The following TENM2 variants were observed in gnomAD, a reference collection of about 807,000 sequenced individuals.
TENM2 encodes the protein teneurin-2.
TENM2 carries 52 observed loss-of-function variants against 245.2 expected under a neutral mutation model. That is an observed-to-expected ratio of 0.21 (90% CI 0.17 to 0.27). The LOEUF is 0.27. Among genes scored for constraint, TENM2 ranks in the 10% least tolerant of loss-of-function variants. The pLI, the probability that TENM2 is intolerant of heterozygous loss-of-function variation, is 1.00. For missense variants in TENM2, 3,046 were observed against 3,666.8 expected, an observed-to-expected ratio of 0.83 and a Z score of 4.37; for synonymous variants, 1,363 against 1,438.9, an observed-to-expected ratio of 0.95 and a Z score of 1.19.
chr5:167,986,824 G>A (rs760753402), intron 4 of TENM2, among the ~76,000 whole-genome samples: 14 of 152,150 alleles, frequency 9.2e-5, no homozygotes, highest in Non-Finnish European at 2.1e-4. Context: ...AGCCGGTTCA[G>A]GGAAAAATCA....
chr5:167,308,355 C>A (rs895614346), intron 1 of TENM2, among the ~76,000 whole-genome samples: 4 of 152,162 alleles, frequency 2.6e-5, no homozygotes, highest in South Asian at 2.1e-4. Context: ...AGTTCCTACA[C>A]CCAGTATTAT....
At chr5:167,821,719 G>A (rs1183096877) in intron 2 of TENM2, among the ~76,000 whole-genome samples, 3 of 152,074 alleles carry the variant, frequency 2.0e-5, no homozygotes, top group Non-Finnish European at 2.9e-5. Context: ...GTGATGTATT[G>A]CTATAAATGT....
chr5:167,415,337 T>C (rs1763109974), intron 2 of TENM2, among the ~76,000 whole-genome samples: 1 of 152,174 alleles, frequency 6.6e-6, no homozygotes, highest in Non-Finnish European at 1.5e-5. Context: ...ATTTGTAGCA[T>C]GTATTTTACC....
chr5:168,054,344 T>C (rs1045068997), intron 6 of TENM2, among the ~76,000 whole-genome samples: 4 of 152,288 alleles, frequency 2.6e-5, no homozygotes, highest in Non-Finnish European at 4.4e-5. Context: ...GGGCAGTCAA[T>C]CTAAGGTCCT....
chr5:167,669,718 C>T (rs576670165), intron 2 of TENM2, among the ~76,000 whole-genome samples: 9 of 151,988 alleles, frequency 5.9e-5, no homozygotes, highest in Non-Finnish European at 1.0e-4. Flanking sequence ...TGGGGACAGA[C>T]GGCAGGGTGG....
rs548065071 is a variant in TENM2, at chr5:167,309,205, C to T, written c.226+24142C>T. Among the ~76,000 whole-genome samples the T allele has an allele frequency of 2.0e-5, 3 of 152,142 alleles. No individual in the cohort carries two copies. In the South Asian group the frequency reaches 6.2e-4, roughly 32 times the overall value. ...GGTAAGTTTGCTTTGAATATGATACCAGAAAGAAGAATGGAAAGAACAAAG... is the reference window on the plus strand; with the variant it reads ...GGTAAGTTTGCTTTGAATATGATACTAGAAAGAAGAATGGAAAGAACAAAG... On this transcript the variant is annotated intron_variant, in intron 1 of 28. Transcript: ENST00000518659.
At chr5:167,646,567 T>A (rs1209698322) in intron 2 of TENM2, among the ~76,000 whole-genome samples, 1 of 151,918 alleles carries the variant, frequency 6.6e-6, no homozygotes, top group South Asian at 2.1e-4. Flanking sequence ...AATTTTTTCT[T>A]GGTGGCGATC....
chr5:167,658,313 A>G (rs1187553329), intron 2 of TENM2, among the ~76,000 whole-genome samples: 2 of 151,130 alleles, frequency 1.3e-5, no homozygotes, highest in East Asian at 1.9e-4. Flanking sequence ...GGTTTAAGCT[A>G]TTCTCCTGCC....
chr5:167,379,951 A>G (rs1232089762), intron 2 of TENM2, among the ~76,000 whole-genome samples: 1 of 146,548 alleles, frequency 6.8e-6, no homozygotes, highest in Non-Finnish European at 1.5e-5. Context: ...AAAAACCCAG[A>G]ACAAAGTTTT....
chr5:167,195,085 G>A, the TENM2 span, among the ~76,000 whole-genome samples: 1 of 151,974 alleles, frequency 6.6e-6, no homozygotes, highest in Non-Finnish European at 1.5e-5. Context: ...TAAACACCAA[G>A]AGCAGCTGGT....
At chr5:167,445,371 T>TAGTGAGA (rs1561961919) in intron 2 of TENM2, among the ~76,000 whole-genome samples, 1 of 81,642 alleles carries the variant, frequency 1.2e-5, no homozygotes, top group Non-Finnish European at 2.2e-5. Flanking sequence ...AGAGAGAGAG[T>TAGTGAGA]GTCAGGTGTT....
chr5:167,221,761 C>G, the TENM2 span, among the ~76,000 whole-genome samples: 6 of 152,306 alleles, frequency 3.9e-5, no homozygotes, highest in South Asian at 1.2e-3. Context: ...GGTAGAAATT[C>G]AGCGCTCCAG....
intron 2 of TENM2, among the ~76,000 whole-genome samples, chr5:167,562,116 T>C (rs1773630968): frequency 6.6e-6 from 1 of 152,126 alleles, no homozygotes. Flanking sequence ...AGTTAGTGAG[T>C]GCTCCCAGTC....
intron 5 of TENM2, among the ~76,000 whole-genome samples, chr5:168,005,644 A>C (rs1439295865): frequency 6.6e-6 from 1 of 152,188 alleles, no homozygotes; most frequent in Non-Finnish European, 1.5e-5. Context: ...ATTTTGTTGG[A>C]AGAGCTGGTC....
chr5:167,868,389 C>T (rs981181860), intron 2 of TENM2, among the ~76,000 whole-genome samples: 2 of 151,834 alleles, frequency 1.3e-5, no homozygotes, highest in Non-Finnish European at 2.9e-5. Flanking sequence ...GATATAAATA[C>T]AAAATATAAA....
chr5:167,671,584 A>G (rs1755946411), intron 2 of TENM2, among the ~76,000 whole-genome samples: 1 of 152,062 alleles, frequency 6.6e-6, no homozygotes, highest in East Asian at 1.9e-4. Context: ...TTATACAAAT[A>G]AATATTGTAT....
intron 2 of TENM2, among the ~76,000 whole-genome samples, chr5:167,695,965 T>C (rs904311798): frequency 8.7e-5 from 13 of 149,586 alleles, no homozygotes; most frequent in Admixed American, 6.0e-4. Flanking sequence ...ACCTGGGAGG[T>C]GGAGCTTGCA....
the TENM2 span, among the ~76,000 whole-genome samples, chr5:167,019,637 T>G: frequency 6.6e-6 from 1 of 152,038 alleles, no homozygotes; most frequent in Admixed American, 6.5e-5. Flanking sequence ...TGCCAGCTAA[T>G]GTTTGTATTT....
chr5:167,647,638 G>C (rs1705221842), intron 2 of TENM2, among the ~76,000 whole-genome samples: 1 of 152,090 alleles, frequency 6.6e-6, no homozygotes, highest in Non-Finnish European at 1.5e-5. Flanking sequence ...AAAAGAAAAG[G>C]AGGATGTTGC....
Sources: gnomAD v4.1 joint callset for allele counts (sites outside exome capture counted in the v4.1 genomes callset) on GRCh38, gnomAD v4.1.1 for gene constraint, MANE v1.5 for transcripts, NCBI Gene and HGNC (gene_info 2026-07-23, HGNC 2026-07-21) for gene names.